The following BCHE variants were observed in gnomAD, a reference collection of about 807,000 sequenced individuals.
BCHE encodes the protein cholinesterase.
BCHE carries 48 observed loss-of-function variants against 51.3 expected under a neutral mutation model. The observed-to-expected ratio is 0.94, with a 90% CI of 0.74 to 1.19. BCHE has a LOEUF of 1.19. Ranked by LOEUF, BCHE falls within the 50% of genes most tolerant of loss-of-function variation. The pLI is 0.00. For missense variants in BCHE, 847 were observed against 708.2 expected, an observed-to-expected ratio of 1.20 and a Z score of -2.23; for synonymous variants, 251 against 238.0, an observed-to-expected ratio of 1.05 and a Z score of -0.50.
chr3:165,786,140 C>T lies in BCHE; in HGVS notation c.1684+5G>A. On this transcript the variant is annotated splice_donor_5th_base_variant and intron_variant, in intron 3 of 3. Coordinates refer to ENST00000264381, the MANE Select transcript of BCHE (RefSeq NM_000055.4). ...TAAATAACCAAACACTAAAAACAGA[C>T]ACACCTGTCATTTCCAAGACTTTTG... 6.2e-7 allele frequency: 1 copy of T among 1,610,628 alleles called. No individual in the cohort carries two copies. Among genetic ancestry groups the T allele is most frequent in the Non-Finnish European group, 8.5e-7 (1 of 1,177,462 alleles).
At chr3:165,824,642 C>A (rs34018532) in intron 2 of BCHE, among the ~76,000 whole-genome samples, 1 of 151,786 alleles carries the variant, frequency 6.6e-6, no homozygotes, top group Non-Finnish European at 1.5e-5. Flanking sequence ...ATTTAACCCC[C>A]AAATTAAAAA....
At chr3:165,825,033 TTTTG>T (rs1714667924) in intron 2 of BCHE, among the ~76,000 whole-genome samples, 2 of 151,836 alleles carry the variant, frequency 1.3e-5, no homozygotes, top group South Asian at 4.1e-4. Context: ...AAATCAAAAG[TTTTG>T]TTTGTGAAAA....
chr3:165,800,920 A>G (rs543266016), intron 2 of BCHE, among the ~76,000 whole-genome samples: 91 of 152,324 alleles, frequency 6.0e-4, no homozygotes, highest in African/African-American at 2.0e-3. Flanking sequence ...TTTATGTAGT[A>G]ATATCATCTA....
At chr3:165,817,058 C>T (rs896560633) in intron 2 of BCHE, among the ~76,000 whole-genome samples, 1 of 152,066 alleles carries the variant, frequency 6.6e-6, no homozygotes, top group African/African-American at 2.4e-5. Flanking sequence ...TGATTTCACT[C>T]TCCCAACCAT....
intron 2 of BCHE, among the ~76,000 whole-genome samples, chr3:165,788,917 A>G (rs1713063999): frequency 6.6e-6 from 1 of 152,182 alleles, no homozygotes; most frequent in African/African-American, 2.4e-5. Context: ...ATTTTATTCT[A>G]TAATTTGAAG....
intron 3 of BCHE, 132 bp from the exon 4 acceptor site, chr3:165,773,638 T>A: frequency 1.5e-6 from 1 of 683,954 alleles, no homozygotes. Flanking sequence ...TATTCTTTAT[T>A]ATTTGTTATT....
chr3:165,784,411 A>T (rs1306726859), intron 3 of BCHE, among the ~76,000 whole-genome samples: 1 of 151,970 alleles, frequency 6.6e-6, no homozygotes, highest in Admixed American at 6.6e-5. Context: ...ATCTAATATG[A>T]AAACCTTATT....
At chr3:165,798,932 C>T (rs918817830) in intron 2 of BCHE, among the ~76,000 whole-genome samples, 1 of 151,896 alleles carries the variant, frequency 6.6e-6, no homozygotes. Flanking sequence ...TACAGAGATA[C>T]AAATGGAATA....
intron 2 of BCHE, among the ~76,000 whole-genome samples, chr3:165,797,048 G>C (rs1443833136): frequency 6.6e-6 from 1 of 152,006 alleles, no homozygotes; most frequent in Non-Finnish European, 1.5e-5. Context: ...TCCAACTTCA[G>C]AAAATGAATT....
chr3:165,804,363 T>C (rs1375771362), intron 2 of BCHE, among the ~76,000 whole-genome samples: 3 of 152,132 alleles, frequency 2.0e-5, no homozygotes, highest in Non-Finnish European at 2.9e-5. Context: ...AAGTCTTTTT[T>C]TCAGATTACA....
chr3:165,826,771 A>G (rs984581158), intron 2 of BCHE, among the ~76,000 whole-genome samples: 1 of 152,156 alleles, frequency 6.6e-6, no homozygotes, highest in Non-Finnish European at 1.5e-5. Context: ...TTACTTCCTT[A>G]ATAAGACATT....
chr3:165,783,375 A>T (rs1370804212), intron 3 of BCHE, among the ~76,000 whole-genome samples: 1 of 152,122 alleles, frequency 6.6e-6, no homozygotes, highest in Non-Finnish European at 1.5e-5. Context: ...TTATTAAGTT[A>T]TTCGAAGCCA....
chr3:165,778,217 T>C (rs1712547173), intron 3 of BCHE: 1 of 152,618 alleles, frequency 6.6e-6, no homozygotes, highest in South Asian at 2.0e-4. Context: ...CAGTTTACAA[T>C]AATTTTTAAA....
At chr3:165,790,761 G>A (rs756547493) in intron 2 of BCHE, among the ~76,000 whole-genome samples, 31 of 152,156 alleles carry the variant, frequency 2.0e-4, no homozygotes, top group Non-Finnish European at 3.4e-4. Flanking sequence ...GTTGTTTGGG[G>A]AAATAGTATT....
chr3:165,824,555 A>G (rs969938264), intron 2 of BCHE, among the ~76,000 whole-genome samples: 1 of 152,046 alleles, frequency 6.6e-6, no homozygotes, highest in African/African-American at 2.4e-5. Flanking sequence ...CAATAACAAA[A>G]TCATCAAGAA....
intron 3 of BCHE, 22 bp from the exon 4 acceptor site, chr3:165,773,528 G>A: frequency 6.3e-7 from 1 of 1,589,958 alleles, no homozygotes; most frequent in South Asian, 1.1e-5. Context: ...GGAATAAGTT[G>A]TATTAATCAA....
At chr3:165,803,435 T>TA (rs571817747) in intron 2 of BCHE, among the ~76,000 whole-genome samples, 1 of 152,032 alleles carries the variant, frequency 6.6e-6, no homozygotes, top group African/African-American at 2.4e-5. Context: ...TATGCACTTC[T>TA]AAAAAAAATA....
intron 3 of BCHE, among the ~76,000 whole-genome samples, chr3:165,774,394 C>T (rs189436146): frequency 9.9e-5 from 15 of 152,006 alleles, no homozygotes; most frequent in Middle Eastern, 3.4e-3. Flanking sequence ...AGTGCAATGG[C>T]GCCATCTTGG....
intron 2 of BCHE, 69 bp from the exon 3 acceptor site, chr3:165,786,380 C>T (rs1712952598): frequency 7.2e-7 from 1 of 1,390,950 alleles, no homozygotes; most frequent in Admixed American, 2.0e-5. Context: ...ATATTGTTTT[C>T]TAACACTGTT....
Sources: gnomAD v4.1 joint callset for allele counts (sites outside exome capture counted in the v4.1 genomes callset) on GRCh38, gnomAD v4.1.1 for gene constraint, MANE v1.5 for transcripts, NCBI Gene and HGNC (gene_info 2026-07-23, HGNC 2026-07-21) for gene names.